Variants in CLIC1 observed in about 807,000 individuals in gnomAD.
CLIC1 encodes chloride intracellular channel protein 1.
CLIC1 carries 16 observed loss-of-function variants against 26.4 expected under a neutral mutation model. That is an observed-to-expected ratio of 0.61 (90% CI 0.41 to 0.92). The LOEUF (loss-of-function observed/expected upper bound fraction) is 0.92, where lower values mean the gene tolerates loss of function less well. Ranked by LOEUF, CLIC1 falls within the 40% of genes least tolerant of loss-of-function variation. The pLI, the probability that CLIC1 is intolerant of heterozygous loss-of-function variation, is 0.00. For missense variants in CLIC1, 225 were observed against 289.7 expected, an observed-to-expected ratio of 0.78 and a Z score of 1.62; for synonymous variants, 98 against 120.8, an observed-to-expected ratio of 0.81 and a Z score of 1.24.
rs951115353 is a variant in CLIC1, at chr6:31,733,098, C to T, written c.382+468G>A. On this transcript the variant is annotated intron_variant, in intron 4 of 5. Transcript: ENST00000375784. This position sits in a 1 kb window ranked among gnomAD's most constrained non-coding sequence, Gnocchi z 5.4. ...TTGCACCACTGCACTCCAGCCTGGGCGACAGAACGAGACTCCATCTCAAAA... is the reference window on the plus strand; with the variant it reads ...TTGCACCACTGCACTCCAGCCTGGGTGACAGAACGAGACTCCATCTCAAAA... Among the ~76,000 whole-genome samples the T allele has an allele frequency of 9.4e-5, 14 of 149,484 alleles. No individual in the cohort carries two copies. The highest frequency in any genetic ancestry group is 2.1e-4 in the South Asian group (1 of 4,728).
At position 31,734,173 on chromosome 6, in the gene CLIC1, T is replaced by G. The variant is rs780642956; in HGVS notation, c.130A>C (p.Thr44Pro). 1 of 1,613,542 alleles carries G rather than the reference T, an allele frequency of 6.2e-7. No individual in the cohort carries two copies. Among genetic ancestry groups the G allele is most frequent in the Non-Finnish European group, 8.5e-7 (1 of 1,179,468 alleles). Reference sequence around the variant, plus strand: ...GCCTACCTTTTGGTGTCAACGGTGGTAACATTGAAGGTGACTCCCTTGAGC... The same window carrying G: ...GCCTACCTTTTGGTGTCAACGGTGGGAACATTGAAGGTGACTCCCTTGAGC... Residue 44 changes from threonine (T) to proline (P), a missense_variant, in exon 2 of 6, where the codon ACC (threonine) becomes CCC (proline). Thr to Pro is a conservative substitution (Grantham distance 38, BLOSUM62 -1). Coordinates refer to ENST00000375784, the Ensembl canonical transcript of CLIC1. This position sits in a 1 kb window ranked among gnomAD's most constrained non-coding sequence, Gnocchi z 5.3.
chr6:31,736,503 C>T lies in CLIC1; in HGVS notation c.-203G>A. On this transcript the variant is annotated 5_prime_UTR_variant, in exon 1 of 6. Transcript: ENST00000375784. This position sits in a 1 kb window ranked among gnomAD's most constrained non-coding sequence, Gnocchi z 5.0. ...CGCACCCCACACCCAGCTCCTCCAG[C>T]TCGGTCCTCTCCCGGGCTGGATCAG... 5.0e-6 allele frequency: 7 copies of T among 1,397,330 alleles called. No homozygotes were observed. Among genetic ancestry groups the T allele is most frequent in the Non-Finnish European group, 6.5e-6 (7 of 1,075,476 alleles). The allele number at this position is 1,397,330 out of a possible 1,614,324, so 86.6% of individuals were successfully genotyped here.
In CLIC1 at chr6:31,734,195, G is replaced by A. The variant is rs1208510307; in HGVS notation, c.108C>T (p.Leu36=). Residue 36 remains leucine, a synonymous_variant, in exon 2 of 6, where the codon CTC becomes CTT. Transcript: ENST00000375784. This position sits in a 1 kb window ranked among gnomAD's most constrained non-coding sequence, Gnocchi z 5.3. ...TGGTAACATTGAAGGTGACTCCCTTGAGCCACAGTACCATGAACAGTCTCT... is the reference window on the plus strand; with the variant it reads ...TGGTAACATTGAAGGTGACTCCCTTAAGCCACAGTACCATGAACAGTCTCT... 3.1e-6 allele frequency: 5 copies of A among 1,614,198 alleles called. No individual in the cohort carries two copies. Among genetic ancestry groups the A allele is most frequent in the South Asian group, 1.1e-5 (1 of 91,090 alleles).
chr6:31,731,798 C>T (rs549686983), intron 5 of CLIC1, among the ~76,000 whole-genome samples: 1 of 152,264 alleles, frequency 6.6e-6, no homozygotes, highest in Admixed American at 6.5e-5. Flanking sequence ...AGCTTTGAGA[C>T]TATGACAAAA....
In CLIC1 at chr6:31,736,252, G is replaced by A. The variant is rs769084657; in HGVS notation, c.39+10C>T. ...GGAATTTGGGTGGCTGAGGAGAGAA[G>A]TGTTCTTACCTTCACGAACAATTCG... is the stretch of plus-strand genomic sequence containing the variant. On this transcript the variant is annotated intron_variant, in intron 1 of 5. Transcript: ENST00000375784. The surrounding 1 kb of genome is among the most constrained non-coding windows in gnomAD (Gnocchi z 5.0). 6.2e-7 allele frequency: 1 copy of A among 1,612,802 alleles called. No homozygotes were observed. Among genetic ancestry groups the A allele is most frequent in the South Asian group, 1.1e-5 (1 of 91,076 alleles).
rs373588470 is a variant in CLIC1, at chr6:31,730,957, C to T, written c.611G>A (p.Arg204Gln). 26 of 1,612,844 alleles carry T rather than the reference C, an allele frequency of 1.6e-5. No individual in the cohort carries two copies. In the African/African-American group the frequency reaches 2.5e-4, roughly 16 times the overall value. Reference sequence around the variant, plus strand: ...ATTGCTCAAGTACCGATGCACTCCCCGGAAGGCCTCGGGGATGGTGAATCC... The same window carrying T: ...ATTGCTCAAGTACCGATGCACTCCCTGGAAGGCCTCGGGGATGGTGAATCC... Residue 204 changes from arginine (R) to glutamine (Q), a missense_variant, in exon 6 of 6, where the codon CGG (arginine) becomes CAG (glutamine). Coordinates refer to ENST00000375784, the Ensembl canonical transcript of CLIC1. This position sits in a 1 kb window ranked among gnomAD's most constrained non-coding sequence, Gnocchi z 5.1.
At chr6:31,736,727 C>T (rs1034669796), upstream of CLIC1, 32 of 1,020,706 alleles carry the variant, frequency 3.1e-5, no homozygotes, top group Non-Finnish European at 3.6e-5. This position sits in a 1 kb window ranked among gnomAD's most constrained non-coding sequence, Gnocchi z 5.0. Flanking sequence ...TCTTTTCTGC[C>T]TCAGTTTCCC....
Position 31,730,607 on chromosome 6 carries a change from C to T in CLIC1, c.*235G>A. On this transcript the variant is annotated 3_prime_UTR_variant, in exon 6 of 6. Coordinates refer to ENST00000375784, the Ensembl canonical transcript of CLIC1. The surrounding 1 kb of genome is among the most constrained non-coding windows in gnomAD (Gnocchi z 5.1). ...TGCGTAAAAACACTTGATTTTTATT[C>T]TGTATTTTATTACTGAAATATGTTG... 1.9e-6 allele frequency: 1 copy of T among 527,256 alleles called. No homozygotes were observed. The highest frequency in any genetic ancestry group is 3.4e-6 in the Non-Finnish European group (1 of 296,354). 32.7% of individuals were successfully genotyped at this position (527,256 alleles called of 1,614,324 possible). A position where few individuals can be genotyped will look rare whatever the true frequency, so the allele number is the denominator to read the frequency against.
rs1808309730 is a variant in CLIC1, at chr6:31,736,056, C to A, written c.39+206G>T. Reference sequence around the variant, plus strand: ...TGCTAGAAACTTGCACTTTTACAAACTTTTCAGGGTTGATCCTAGAATTCT... The same window carrying A: ...TGCTAGAAACTTGCACTTTTACAAAATTTTCAGGGTTGATCCTAGAATTCT... On this transcript the variant is annotated intron_variant, in intron 1 of 5. Transcript: ENST00000375784. The surrounding 1 kb of genome is among the most constrained non-coding windows in gnomAD (Gnocchi z 5.0). Among the ~76,000 whole-genome samples the A allele has an allele frequency of 1.3e-5, 2 of 152,142 alleles. No individual in the cohort carries two copies.
At position 31,734,504 on chromosome 6, in the gene CLIC1, G is replaced by C. The variant is rs192913816; in HGVS notation, c.40-241C>G. Among the ~76,000 whole-genome samples, 3 of 152,386 alleles carry C rather than the reference G, an allele frequency of 2.0e-5. No homozygotes were observed. The highest frequency in any genetic ancestry group is 2.0e-4 in the Admixed American group (3 of 15,310). On this transcript the variant is annotated intron_variant, in intron 1 of 5. Transcript: ENST00000375784. The surrounding 1 kb of genome is among the most constrained non-coding windows in gnomAD (Gnocchi z 5.3). ...ACTGAGGACAGGTGGGAGGTAGGTA[G>C]AGGGAGGAGGTCCTGGAGAACTTGG... is the stretch of plus-strand genomic sequence containing the variant.
In CLIC1 at chr6:31,735,151, C is replaced by CAGA. The variant is rs535362366; in HGVS notation, c.40-891_40-889dup. 9.8e-4 allele frequency among the ~76,000 whole-genome samples: 147 copies of CAGA among 150,402 alleles called. 1 individual carries two copies. The highest frequency in any genetic ancestry group is 3.3e-3 in the Admixed American group (50 of 15,158). On this transcript the variant is annotated intron_variant, in intron 1 of 5. Transcript: ENST00000375784. ...GGAATGGCTGCCCGAGAAACCCAAG[C>CAGA]AGAAGGGAGAGGGAGACACAGGCAG...
At position 31,733,136 on chromosome 6, in the gene CLIC1, A is replaced by G. The variant is rs1808091745; in HGVS notation, c.382+430T>C. Among the ~76,000 whole-genome samples the G allele has an allele frequency of 1.4e-4, 22 of 152,206 alleles. 1 individual carries two copies. The South Asian group carries it at 4.6e-3, about 32-fold the overall frequency. ...CTCCATCTCAAAAAAAAAGAAAAAA[A>G]AAAATTTATATCAACCCATGAAATA... On this transcript the variant is annotated intron_variant, in intron 4 of 5. Transcript: ENST00000375784. The surrounding 1 kb of genome is among the most constrained non-coding windows in gnomAD (Gnocchi z 5.4).
rs557762794 is a variant in CLIC1 at position 31,736,301 on chromosome 6, G to A, written c.-1C>T. On this transcript the variant is annotated 5_prime_UTR_variant, in exon 1 of 6. Transcript: ENST00000375784. The surrounding 1 kb of genome is among the most constrained non-coding windows in gnomAD (Gnocchi z 5.0). ...CGACCTGCGGTTGTTCTTCAGCCAT[G>A]GTTGCGTCGGGGACCAGGAAGTGGC... 6.2e-7 allele frequency: 1 copy of A among 1,612,980 alleles called. No homozygotes were observed. Among genetic ancestry groups the A allele is most frequent in the African/African-American group, 1.3e-5 (1 of 75,028 alleles).
At chr6:31,735,205 G>C (rs185019730) in intron 1 of CLIC1, among the ~76,000 whole-genome samples, 5 of 151,606 alleles carry the variant, frequency 3.3e-5, no homozygotes, top group South Asian at 2.1e-4. Flanking sequence ...GAAACAAAAG[G>C]GGGGAAGGGG....
rs1808335440 is a variant in CLIC1, at chr6:31,736,369, G to T, written c.-69C>A. ...GGAGGGGCTGGGACCGGGGAAGGCG[G>T]GTCTCACACTCAGGGACTCTCTCCC... is the stretch of plus-strand genomic sequence containing the variant. On this transcript the variant is annotated 5_prime_UTR_variant, in exon 1 of 6. Transcript: ENST00000375784. The surrounding 1 kb of genome is among the most constrained non-coding windows in gnomAD (Gnocchi z 5.0). 6.2e-7 allele frequency: 1 copy of T among 1,610,580 alleles called. No homozygotes were observed.
At position 31,732,425 on chromosome 6, in the gene CLIC1, A is replaced by T; in HGVS notation, c.383-27T>A. 7.1e-7 allele frequency: 1 copy of T among 1,412,336 alleles called. No homozygotes were observed. Among genetic ancestry groups the T allele is most frequent in the African/African-American group, 1.5e-5 (1 of 68,262 alleles). The allele number at this position is 1,412,336 out of a possible 1,614,324, so 87.5% of individuals were successfully genotyped here. On this transcript the variant is annotated intron_variant, in intron 4 of 5. Transcript: ENST00000375784. This position sits in a 1 kb window ranked among gnomAD's most constrained non-coding sequence, Gnocchi z 5.0. ...TGTGCAAGAGAGGGAACTGATTAGA[A>T]CTTCAGGAAAAGATTGACATAGTCC...
In CLIC1 at chr6:31,733,973, A is replaced by T; in HGVS notation, c.150-12T>A. On this transcript the variant is annotated splice_polypyrimidine_tract_variant and intron_variant, in intron 2 of 5. Transcript: ENST00000375784. The surrounding 1 kb of genome is among the most constrained non-coding windows in gnomAD (Gnocchi z 5.4). ...CTGTCTCGGTCCGCCTGGAGAAAGG[A>T]TCAGGAATCAGGACTGGAAATGGGG... The T allele has an allele frequency of 6.2e-7, 1 of 1,610,692 alleles. No individual in the cohort carries two copies.
At chr6:31,736,665 G>A, upstream of CLIC1, 1 of 1,107,770 alleles carries the variant, frequency 9.0e-7, no homozygotes, top group Non-Finnish European at 1.1e-6. This position sits in a 1 kb window ranked among gnomAD's most constrained non-coding sequence, Gnocchi z 5.0. Flanking sequence ...GGGGTGTTAA[G>A]GAGGAGTCCT....
Position 31,736,351 on chromosome 6 carries a change from C to T in CLIC1, c.-51G>A, listed in dbSNP as rs779681577. 1.9e-6 allele frequency: 3 copies of T among 1,612,090 alleles called. No homozygotes were observed. The highest frequency in any genetic ancestry group is 2.5e-6 in the Non-Finnish European group (3 of 1,179,890). On this transcript the variant is annotated 5_prime_UTR_variant, in exon 1 of 6. Coordinates refer to ENST00000375784, the Ensembl canonical transcript of CLIC1. The surrounding 1 kb of genome is among the most constrained non-coding windows in gnomAD (Gnocchi z 5.0). ...CCGTCCCTGGGGGAACTGGGAGGGG[C>T]TGGGACCGGGGAAGGCGGGTCTCAC...
Sources: gnomAD v4.1 joint callset for allele counts (sites outside exome capture counted in the v4.1 genomes callset) on GRCh38, gnomAD v4.1.1 for gene constraint, Gnocchi (gnomAD v3.1) non-coding constraint, MANE v1.5 for transcripts, NCBI Gene and HGNC (gene_info 2026-07-23, HGNC 2026-07-21) for gene names.